Variants in MSTO1 observed in about 807,000 individuals in gnomAD.
MSTO1 encodes misato mitochondrial distribution and morphology regulator 1.
Under a neutral mutation model 55.7 loss-of-function variants are expected in MSTO1, and 24 were observed. That is an observed-to-expected ratio of 0.43 (90% CI 0.31 to 0.61). MSTO1 has a LOEUF of 0.61. MSTO1 is among the 20% of genes least tolerant of loss of function. The pLI is 0.09. For synonymous variants in MSTO1, 162 were observed against 252.8 expected, an observed-to-expected ratio of 0.64 and a Z score of 3.41; for missense variants, 363 against 625.7, an observed-to-expected ratio of 0.58 and a Z score of 4.48.
the MSTO1 span, among the ~76,000 whole-genome samples, chr1:155,571,400 C>T: frequency 6.6e-6 from 1 of 152,026 alleles, no homozygotes; most frequent in Non-Finnish European, 1.5e-5. Flanking sequence ...ACAATTCTTT[C>T]GACGTGGCCC....
chr1:155,614,006 C>T, intron 13 of MSTO1, 53 bp from the exon 14 acceptor site: 6 of 1,607,582 alleles, frequency 3.7e-6, no homozygotes, highest in Non-Finnish European at 5.1e-6. Flanking sequence ...TGGCAGAGTC[C>T]CAGGGCAGAA....
At chr1:155,599,097 C>T in the MSTO1 span, among the ~76,000 whole-genome samples, 173 of 152,050 alleles carry the variant, frequency 1.1e-3, no homozygotes, top group African/African-American at 3.4e-3. Flanking sequence ...ATTGCCTGAG[C>T]TTAAGCCCAG....
rs1674279277 is a variant in MSTO1 at position 155,612,190 on chromosome 1, G to C, written c.687G>C (p.Gln229His). ...VEECDYLQGFQILCDLHDGFS... is the reference protein window; with the variant it reads ...VEECDYLQGFHILCDLHDGFS... ...CACTCACCCCCGTCCAGGGCTTCCA[G>C]ATCCTGTGTGACCTGCACGATGGCT... The change falls in exon 8 of 14, where the codon CAG (glutamine) becomes CAC (histidine). Residue 229 changes from glutamine (Q) to histidine (H), a missense_variant. Physicochemically the swap from Gln to His is conservative, Grantham distance 24. This residue lies in a region of MSTO1 where 94 missense variants were observed against 212.4 expected (regional missense o/e 0.44). Coordinates refer to ENST00000245564, the MANE Select transcript of MSTO1 (RefSeq NM_018116.4). 1 of 1,613,916 alleles carries C rather than the reference G, an allele frequency of 6.2e-7. No homozygotes were observed.
At chr1:155,577,334 C>T in the MSTO1 span, among the ~76,000 whole-genome samples, 3 of 151,732 alleles carry the variant, frequency 2.0e-5, no homozygotes, top group East Asian at 3.9e-4. Context: ...GTGATCCACC[C>T]GCCTCGGCCT....
the MSTO1 span, among the ~76,000 whole-genome samples, chr1:155,575,397 G>A: frequency 3.3e-5 from 5 of 152,104 alleles, no homozygotes; most frequent in Middle Eastern, 0.014. Flanking sequence ...TTGGCCATTT[G>A]TATAACTTTT....
upstream of MSTO1, among the ~76,000 whole-genome samples, chr1:155,606,347 A>C (rs561539675): frequency 8.0e-5 from 12 of 149,160 alleles, no homozygotes; most frequent in African/African-American, 3.0e-4. Context: ...GGTGAGAACC[A>C]CTGTGCCTGG....
chr1:155,581,884 C>G, the MSTO1 span, among the ~76,000 whole-genome samples: 15 of 151,622 alleles, frequency 9.9e-5, no homozygotes, highest in Non-Finnish European at 2.1e-4. Context: ...ACCTCCGCAT[C>G]CCCGGTGCAA....
At chr1:155,575,462 G>T in the MSTO1 span, among the ~76,000 whole-genome samples, 1 of 151,508 alleles carries the variant, frequency 6.6e-6, no homozygotes, top group Non-Finnish European at 1.5e-5. Context: ...CTTAATTTGA[G>T]TCAGGGTCTC....
At chr1:155,582,136 C>A in the MSTO1 span, among the ~76,000 whole-genome samples, 1 of 152,048 alleles carries the variant, frequency 6.6e-6, no homozygotes, top group Admixed American at 6.6e-5. Context: ...TCATGATCGC[C>A]CGCCTCGGCC....
At chr1:155,567,580 G>T in the MSTO1 span, among the ~76,000 whole-genome samples, 1 of 151,734 alleles carries the variant, frequency 6.6e-6, no homozygotes, top group Non-Finnish European at 1.5e-5. Flanking sequence ...GATTACAGGC[G>T]TGAGCCACCG....
the MSTO1 span, among the ~76,000 whole-genome samples, chr1:155,565,120 TAAAAAGA>T: frequency 6.7e-6 from 1 of 149,808 alleles, no homozygotes; most frequent in South Asian, 2.1e-4. Flanking sequence ...GACTTTGTCT[TAAAAAGA>T]AAAAAAAAAT....
the MSTO1 span, among the ~76,000 whole-genome samples, chr1:155,572,128 CTG>C: frequency 6.6e-5 from 10 of 151,934 alleles, no homozygotes; most frequent in Non-Finnish European, 7.4e-5. Context: ...AACCTCAACA[CTG>C]TTGACATTTG....
chr1:155,595,424 T>C, the MSTO1 span, among the ~76,000 whole-genome samples: 1 of 151,762 alleles, frequency 6.6e-6, no homozygotes, highest in African/African-American at 2.4e-5. Flanking sequence ...GTGATCTGCG[T>C]GCCTCGGCCT....
upstream of MSTO1, among the ~76,000 whole-genome samples, chr1:155,609,234 TATATA>T (rs1297723906): frequency 2.0e-4 from 10 of 51,054 alleles, no homozygotes; most frequent in South Asian, 1.5e-3. Context: ...TATATATATA[TATATA>T]TATATTTTTT....
the MSTO1 span, among the ~76,000 whole-genome samples, chr1:155,584,021 G>A: frequency 6.6e-6 from 1 of 152,306 alleles, no homozygotes; most frequent in Non-Finnish European, 1.5e-5. Flanking sequence ...TGGGCGTGTG[G>A]AAGCATGTCA....
At chr1:155,570,996 A>G in the MSTO1 span, among the ~76,000 whole-genome samples, 1 of 152,202 alleles carries the variant, frequency 6.6e-6, no homozygotes. Flanking sequence ...ATTGTAAACC[A>G]CATGCATTAT....
At chr1:155,596,207 A>G in the MSTO1 span, among the ~76,000 whole-genome samples, 1 of 152,210 alleles carries the variant, frequency 6.6e-6, no homozygotes, top group Non-Finnish European at 1.5e-5. Context: ...AAAATGAAGT[A>G]GAATAAACGA....
chr1:155,596,144 C>T, the MSTO1 span, among the ~76,000 whole-genome samples: 1 of 152,192 alleles, frequency 6.6e-6, no homozygotes, highest in Non-Finnish European at 1.5e-5. Context: ...AACATGATCT[C>T]AGCAGGGTGT....
chr1:155,569,284 C>T, the MSTO1 span, among the ~76,000 whole-genome samples: 4 of 150,948 alleles, frequency 2.6e-5, no homozygotes, highest in Non-Finnish European at 4.4e-5. Flanking sequence ...TACAGGCGCC[C>T]GCCACCACGC....
Sources: allele counts gnomAD v4.1 joint callset (sites outside exome capture counted in the v4.1 genomes callset), GRCh38; gene constraint gnomAD v4.1.1; regional missense constraint gnomAD v4.1.1; transcripts MANE v1.5; gene names NCBI Gene and HGNC (gene_info 2026-07-23, HGNC 2026-07-21).